The following MVK variants were observed in gnomAD, a reference collection of about 807,000 sequenced individuals.
The protein encoded by MVK is mevalonate kinase.
MVK carries 34 observed loss-of-function variants against 43.2 expected under a neutral mutation model. That is an observed-to-expected ratio of 0.79 (90% CI 0.60 to 1.05). MVK has a LOEUF of 1.05. MVK is among the 50% of genes least tolerant of loss of function. MVK has a pLI of 0.00. For missense variants in MVK, 395 were observed against 504.0 expected (o/e 0.78, Z 2.07); for synonymous variants, 190 against 219.8 (o/e 0.86, Z 1.20).
intron 5 of MVK, among the ~76,000 whole-genome samples, chr12:109,584,991 A>G (rs1193637996): frequency 1.3e-5 from 2 of 152,230 alleles, no homozygotes; most frequent in Non-Finnish European, 2.9e-5. Context: ...TTCATGAGGA[A>G]GGGAATCTGC....
chr12:109,586,631 C>T (rs992805922), intron 6 of MVK, 123 bp from the exon 7 acceptor site: 8 of 1,046,804 alleles, frequency 7.6e-6, no homozygotes, highest in African/African-American at 4.7e-5. Flanking sequence ...TGGGCTGACT[C>T]ATTACTTAGC....
At chr12:109,577,590 T>C (rs1885014535) in intron 3 of MVK, among the ~76,000 whole-genome samples, 1 of 152,192 alleles carries the variant, frequency 6.6e-6, no homozygotes, top group South Asian at 2.1e-4. Flanking sequence ...GTGCTGGGGT[T>C]ACAGGTGAGA....
intron 5 of MVK, among the ~76,000 whole-genome samples, chr12:109,585,174 C>A (rs886202006): frequency 6.6e-6 from 1 of 152,206 alleles, no homozygotes; most frequent in Non-Finnish European, 1.5e-5. Context: ...ATGGTTGGGA[C>A]GAGCCTGGCC....
chr12:109,575,973 A>C, intron 2 of MVK, 25 bp from the exon 3 acceptor site: 1 of 1,613,900 alleles, frequency 6.2e-7, no homozygotes, highest in Non-Finnish European at 8.5e-7. Context: ...CCTCAGGCTT[A>C]TTGCTTTTGT....
At chr12:109,583,620 G>T (rs2136232064) in intron 5 of MVK, among the ~76,000 whole-genome samples, 1 of 152,282 alleles carries the variant, frequency 6.6e-6, no homozygotes, top group African/African-American at 2.4e-5. Context: ...ACCCAGTAAT[G>T]GGATGGCTGG....
chr12:109,581,277 C>G, intron 4 of MVK, 118 bp from the exon 5 acceptor site: 1 of 1,324,258 alleles, frequency 7.6e-7, no homozygotes, highest in Non-Finnish European at 1.1e-6. Flanking sequence ...GGAATTCTCC[C>G]CCAGTTGAGA....
At chr12:109,578,466 T>A (rs1230771338) in intron 3 of MVK, among the ~76,000 whole-genome samples, 3 of 152,196 alleles carry the variant, frequency 2.0e-5, no homozygotes, top group African/African-American at 7.2e-5. Context: ...GTTAGCACTC[T>A]TAGAATTCGC....
intron 3 of MVK, among the ~76,000 whole-genome samples, chr12:109,577,516 C>T (rs1158486451): frequency 6.6e-6 from 1 of 152,182 alleles, no homozygotes; most frequent in Non-Finnish European, 1.5e-5. Flanking sequence ...CACTGTGTTG[C>T]CCAGGCTGGT....
At position 109,596,822 on chromosome 12, in the gene MVK, A is replaced by G; in HGVS notation, c.*245A>G. 1 of 591,474 alleles carries G rather than the reference A, an allele frequency of 1.7e-6. No homozygotes were observed. The highest frequency in any genetic ancestry group is 3.0e-6 in the Non-Finnish European group (1 of 335,058). The allele number at this position is 591,474 out of a possible 1,614,324, so 36.6% of individuals were successfully genotyped here. A position where few individuals can be genotyped will look rare whatever the true frequency, so the allele number is the denominator to read the frequency against. On this transcript the variant is annotated 3_prime_UTR_variant, in exon 11 of 11. Coordinates refer to ENST00000228510, the MANE Select transcript of MVK (RefSeq NM_000431.4). ...GCCTAGGAGGGTCCTCTGAGACTCCAGACCTGAGGCGAGAAGGGCTGCTTC... is the reference window on the plus strand; with the variant it reads ...GCCTAGGAGGGTCCTCTGAGACTCCGGACCTGAGGCGAGAAGGGCTGCTTC...
intron 5 of MVK, among the ~76,000 whole-genome samples, chr12:109,585,316 C>T (rs190158123): frequency 3.3e-5 from 5 of 152,304 alleles, no homozygotes; most frequent in African/African-American, 4.8e-5. Flanking sequence ...CAGGTGTGGA[C>T]GCTTATGCAG....
intron 6 of MVK, among the ~76,000 whole-genome samples, 162 bp downstream of exon 6, chr12:109,586,287 G>T (rs1427045833): frequency 6.6e-6 from 1 of 152,174 alleles, no homozygotes; most frequent in Non-Finnish European, 1.5e-5. Context: ...AAATCTTGGG[G>T]CCCTGTCTCA....
chr12:109,595,473 T>C lies in MVK; in HGVS notation c.1039+292T>C, dbSNP rs1733102434. Among the ~76,000 whole-genome samples the C allele has an allele frequency of 6.6e-6, 1 of 152,142 alleles. No individual in the cohort carries two copies. Among genetic ancestry groups the C allele is most frequent in the African/African-American group, 2.4e-5 (1 of 41,426 alleles). On this transcript the variant is annotated intron_variant, in intron 10 of 10. Transcript: ENST00000228510. This position sits in a 1 kb window ranked among gnomAD's most constrained non-coding sequence, Gnocchi z 5.9. ...TGTCATCGGGGCTGTCCGCACAAGC[T>C]TGGGAAGTAACCAGGGCATTGTCAC...
At chr12:109,573,612 G>T, upstream of MVK, 1 of 1,098,098 alleles carries the variant, frequency 9.1e-7, no homozygotes, top group Non-Finnish European at 1.3e-6. Flanking sequence ...CCCCAGGGCG[G>T]GACACTCCCA....
At chr12:109,576,215 G>A (rs1273678400) in intron 3 of MVK, 70 bp downstream of exon 3, 1 of 1,601,838 alleles carries the variant, frequency 6.2e-7, no homozygotes, top group Non-Finnish European at 8.5e-7. Context: ...GGTATTCTGG[G>A]CTGTCCCCAA....
At chr12:109,573,692 C>T (rs1593008860), upstream of MVK, 3 of 642,382 alleles carry the variant, frequency 4.7e-6, no homozygotes, top group Non-Finnish European at 8.3e-6. Context: ...GGCTGCAACA[C>T]CTATTGACCA....
At chr12:109,591,404 GT>G in intron 9 of MVK, 47 bp downstream of exon 9, 6 of 1,547,308 alleles carry the variant, frequency 3.9e-6, no homozygotes, top group Non-Finnish European at 5.3e-6. Context: ...CCACACCACT[GT>G]CCAAGGCAGT....
At position 109,597,663 on chromosome 12, in the gene MVK, C is replaced by T; in HGVS notation, c.*1086C>T. ...GGGTGCCTGGCACTCCCCACCCCCG[C>T]CCCCCACCGGCCCTATTTGAACTTT... is the stretch of plus-strand genomic sequence containing the variant. On this transcript the variant is annotated 3_prime_UTR_variant, in exon 11 of 11. Coordinates refer to ENST00000228510, the MANE Select transcript of MVK (RefSeq NM_000431.4). The T allele has an allele frequency of 6.6e-6, 1 of 152,280 alleles. No homozygotes were observed. The highest frequency in any genetic ancestry group is 1.5e-5 in the Non-Finnish European group (1 of 68,132). 9.4% of individuals were successfully genotyped at this position (152,280 alleles called of 1,614,324 possible).
intron 3 of MVK, chr12:109,579,141 T>A: frequency 2.8e-6 from 1 of 357,560 alleles, no homozygotes; most frequent in Non-Finnish European, 5.5e-6. Flanking sequence ...ACTACAATTT[T>A]TTTTTTTTTT....
intron 9 of MVK, among the ~76,000 whole-genome samples, chr12:109,591,565 A>T (rs988075652): frequency 2.6e-5 from 4 of 152,136 alleles, no homozygotes; most frequent in African/African-American, 9.7e-5. Context: ...GGTGATTCCG[A>T]GTAATTGGGA....
Sources: allele counts gnomAD v4.1 joint callset (sites outside exome capture counted in the v4.1 genomes callset), GRCh38; gene constraint gnomAD v4.1.1; non-coding constraint Gnocchi (gnomAD v3.1); transcripts MANE v1.5; gene names NCBI Gene and HGNC (gene_info 2026-07-23, HGNC 2026-07-21).